Variants in SASH1 observed in about 807,000 individuals in gnomAD.
SASH1 encodes the protein SAM and SH3 domain-containing protein 1.
In SASH1, 44 loss-of-function variants were observed where a neutral mutation model predicts 125.2. The ratio of observed to expected loss-of-function variants is 0.35; its 90% CI spans 0.28 to 0.45. SASH1 has a LOEUF of 0.45. Ranked by LOEUF, SASH1 falls within the 20% of genes least tolerant of loss-of-function variation. The pLI is 1.00. For synonymous variants in SASH1, 639 were observed against 649.1 expected (o/e 0.98, Z 0.24); for missense variants, 1,426 against 1,614.5 (o/e 0.88, Z 2.00).
At position 148,343,057 on chromosome 6, in the gene SASH1, G is replaced by C; in HGVS notation, c.-11G>C. On this transcript the variant is annotated 5_prime_UTR_variant, in exon 1 of 20. Transcript: ENST00000367467. ...GGACTGGGACGCACGGCCCGCGCGC[G>C]GGACACGGCCATGGAGGACGCGGGA... is the stretch of plus-strand genomic sequence containing the variant. 7.0e-6 allele frequency: 9 copies of C among 1,294,250 alleles called. No homozygotes were observed. Among genetic ancestry groups the C allele is most frequent in the Non-Finnish European group, 8.8e-6 (9 of 1,024,570 alleles). 80.2% of individuals were successfully genotyped at this position (1,294,250 alleles called of 1,614,324 possible).
At chr6:148,384,280 G>T (rs776368519) in intron 1 of SASH1, among the ~76,000 whole-genome samples, 1 of 152,108 alleles carries the variant, frequency 6.6e-6, no homozygotes, top group African/African-American at 2.4e-5. Context: ...TATTGCTTAA[G>T]TTTAATGCCA....
At chr6:148,284,718 G>A (rs1346102005) in intron 1 of SASH1, among the ~76,000 whole-genome samples, 1 of 152,156 alleles carries the variant, frequency 6.6e-6, no homozygotes, top group African/African-American at 2.4e-5. Context: ...CCAACTCATA[G>A]AAGTAGCTTA....
chr6:148,257,654 C>T, the SASH1 span, among the ~76,000 whole-genome samples: 23 of 128,686 alleles, frequency 1.8e-4, no homozygotes, highest in Admixed American at 1.2e-3. Flanking sequence ...TTTTTTGAGA[C>T]GGAGTCTCAC....
intron 1 of SASH1, among the ~76,000 whole-genome samples, chr6:148,286,372 G>A (rs1367790532): frequency 1.3e-5 from 2 of 151,582 alleles, no homozygotes; most frequent in South Asian, 2.1e-4. Context: ...CCGCACTCCG[G>A]CCTGGGTGAC....
chr6:148,388,923 T>G (rs552137479), intron 1 of SASH1, among the ~76,000 whole-genome samples: 1 of 152,144 alleles, frequency 6.6e-6, no homozygotes, highest in Non-Finnish European at 1.5e-5. Flanking sequence ...GTAAAGTCAT[T>G]TATTTATACC....
At chr6:148,348,205 G>A (rs775822597) in intron 1 of SASH1, among the ~76,000 whole-genome samples, 2 of 151,822 alleles carry the variant, frequency 1.3e-5, no homozygotes, top group Non-Finnish European at 2.9e-5. Context: ...CAGGGTTTAG[G>A]CTGGTCTCAA....
At chr6:148,422,496 T>C (rs1346492656) in intron 2 of SASH1, among the ~76,000 whole-genome samples, 1 of 152,216 alleles carries the variant, frequency 6.6e-6, no homozygotes, top group Non-Finnish European at 1.5e-5. Flanking sequence ...CGAGATAAAT[T>C]TATGTTTAAA....
At chr6:148,464,172 T>C (rs1050093951) in intron 4 of SASH1, among the ~76,000 whole-genome samples, 4 of 152,216 alleles carry the variant, frequency 2.6e-5, no homozygotes, top group African/African-American at 9.7e-5. Context: ...AAGTGAATTT[T>C]GCCTTCAGGA....
At chr6:148,377,196 A>C (rs1193791326) in intron 1 of SASH1, among the ~76,000 whole-genome samples, 6 of 125,286 alleles carry the variant, frequency 4.8e-5, no homozygotes, top group African/African-American at 9.2e-5. Context: ...AAAAAAAAAC[A>C]AAAAAAAAAC....
chr6:148,233,758 A>AAAAAAAAG, the SASH1 span, among the ~76,000 whole-genome samples: 3 of 134,974 alleles, frequency 2.2e-5, no homozygotes, highest in Non-Finnish European at 3.3e-5. Flanking sequence ...AAAAAAAAAA[A>AAAAAAAAG]AAAAATTAGC....
chr6:148,456,824 C>A (rs1284669556), intron 4 of SASH1, among the ~76,000 whole-genome samples: 2 of 151,174 alleles, frequency 1.3e-5, no homozygotes, highest in Middle Eastern at 3.2e-3. Context: ...ATAATCACAT[C>A]ACTTCATTCC....
Position 148,519,122 on chromosome 6 carries a change from A to T in SASH1, c.863-425A>T, listed in dbSNP as rs1019741776. Among the ~76,000 whole-genome samples the T allele has an allele frequency of 2.0e-5, 3 of 152,036 alleles. No individual in the cohort carries two copies. Among genetic ancestry groups the T allele is most frequent in the African/African-American group, 7.2e-5 (3 of 41,396 alleles). On this transcript the variant is annotated intron_variant, in intron 9 of 19. Transcript: ENST00000367467. The surrounding 1 kb of genome is among the most constrained non-coding windows in gnomAD (Gnocchi z 4.8). ...CTGTCAGCCACATGACATTTATCAC[A>T]CTCCAACTATAAAAAGCGACCAGAG...
At chr6:148,465,668 G>A (rs1204294042) in intron 4 of SASH1, among the ~76,000 whole-genome samples, 2 of 152,012 alleles carry the variant, frequency 1.3e-5, no homozygotes, top group Non-Finnish European at 2.9e-5. Context: ...GCAGACCCCA[G>A]CCCGCTGAAG....
intron 1 of SASH1, among the ~76,000 whole-genome samples, chr6:148,274,307 C>G (rs907454912): frequency 6.6e-6 from 1 of 152,182 alleles, no homozygotes; most frequent in South Asian, 2.1e-4. Context: ...GTTACATGCG[C>G]TTTCCCTGGT....
intron 2 of SASH1, among the ~76,000 whole-genome samples, chr6:148,406,118 G>A (rs1583100485): frequency 6.6e-6 from 1 of 152,144 alleles, no homozygotes; most frequent in East Asian, 1.9e-4. Context: ...TCTCATTGCT[G>A]GGTGCCAGTC....
At chr6:148,237,881 T>C in the SASH1 span, among the ~76,000 whole-genome samples, 1 of 152,170 alleles carries the variant, frequency 6.6e-6, no homozygotes, top group Non-Finnish European at 1.5e-5. Flanking sequence ...CAGGCCTCCT[T>C]GCTGTTCCTG....
intron 2 of SASH1, among the ~76,000 whole-genome samples, chr6:148,433,406 C>CTTTTT (rs5880780): frequency 2.3e-5 from 3 of 127,992 alleles, no homozygotes; most frequent in South Asian, 2.6e-4. Context: ...TTTCTTTTTT[C>CTTTTT]TTTTTTTTTT....
chr6:148,225,162 A>C, the SASH1 span, among the ~76,000 whole-genome samples: 1 of 152,216 alleles, frequency 6.6e-6, no homozygotes, highest in Non-Finnish European at 1.5e-5. Context: ...TTGTTAACGC[A>C]ACTCCATCAC....
intron 2 of SASH1, among the ~76,000 whole-genome samples, chr6:148,439,825 A>AT (rs1263090778): frequency 1.3e-5 from 2 of 152,084 alleles, no homozygotes. Flanking sequence ...GAAAACAGCT[A>AT]AACTCAAATG....
Sources: gnomAD v4.1 joint callset for allele counts (sites outside exome capture counted in the v4.1 genomes callset) on GRCh38, gnomAD v4.1.1 for gene constraint, Gnocchi (gnomAD v3.1) non-coding constraint, MANE v1.5 for transcripts, NCBI Gene and HGNC (gene_info 2026-07-23, HGNC 2026-07-21) for gene names.